The following SPRY3 variants were observed in gnomAD, a reference collection of about 807,000 sequenced individuals.
SPRY3 encodes the protein protein sprouty homolog 3.
In SPRY3, 15 loss-of-function variants were observed where a neutral mutation model predicts 20.2. The ratio of observed to expected loss-of-function variants is 0.74; its 90% CI spans 0.50 to 1.14. The LOEUF (loss-of-function observed/expected upper bound fraction) is 1.14, where lower values mean the gene tolerates loss of function less well. Ranked by LOEUF, SPRY3 falls within the 50% of genes most tolerant of loss-of-function variation. The probability of loss-of-function intolerance (pLI) is 0.00; values close to 1 mark genes in which losing one functional copy is unlikely to be tolerated. For synonymous variants in SPRY3, 143 were observed against 136.5 expected (o/e 1.05, Z -0.33); for missense variants, 364 against 363.9 (o/e 1.00, Z 0.00).
intron 2 of SPRY3, among the ~76,000 whole-genome samples, chrX:155,715,350 G>A (rs1244265843): frequency 6.6e-6 from 1 of 152,066 alleles, no homozygotes; most frequent in Non-Finnish European, 1.5e-5. Context: ...TTTGGCTCAG[G>A]GTGTGTCTAG....
chrX:155,762,044 CA>C (rs1320054304), intron 2 of SPRY3, among the ~76,000 whole-genome samples: 5 of 152,026 alleles, frequency 3.3e-5, no homozygotes, highest in Non-Finnish European at 7.4e-5. Context: ...AACTTTGTAC[CA>C]AATATTCCTA....
At chrX:155,781,421 A>G (rs2091462581), downstream of SPRY3, 1 of 167,006 alleles carries the variant, frequency 6.0e-6, no homozygotes, top group East Asian at 1.9e-4. Context: ...TGATTATAAT[A>G]TGCAAACAGA....
intron 2 of SPRY3, among the ~76,000 whole-genome samples, chrX:155,659,984 A>C (rs1388940871): frequency 9.0e-6 from 1 of 111,441 alleles, no homozygotes; most frequent in African/African-American, 3.3e-5. Flanking sequence ...CCAACTTTTA[A>C]TTTTATAGAT....
chrX:155,709,858 T>C (rs1254592039), intron 2 of SPRY3, among the ~76,000 whole-genome samples: 1 of 151,744 alleles, frequency 6.6e-6, no homozygotes, highest in East Asian at 1.9e-4. Flanking sequence ...AGATGGGTTC[T>C]AGGTTCATTC....
chrX:155,752,528 TA>T (rs1372150736), intron 2 of SPRY3, among the ~76,000 whole-genome samples: 5 of 151,650 alleles, frequency 3.3e-5, no homozygotes, highest in African/African-American at 7.2e-5. Flanking sequence ...TATATATATA[TA>T]ACTATTGATA....
chrX:155,751,960 AAATAAAATAAAATAAAATAAAAT>A (rs2091265358), intron 2 of SPRY3, among the ~76,000 whole-genome samples: 1 of 148,660 alleles, frequency 6.7e-6, no homozygotes, highest in Non-Finnish European at 1.5e-5. Context: ...AAATAAAATA[AAATAAAATAAAATAAAATAAAAT>A]AAAGGAAAGG....
intron 2 of SPRY3, among the ~76,000 whole-genome samples, chrX:155,708,640 TATGTGGTAC>T: frequency 6.6e-6 from 1 of 151,604 alleles, no homozygotes; most frequent in African/African-American, 2.4e-5. Flanking sequence ...TATATATATT[TATGTGGTAC>T]ATGAGATATT....
chrX:155,669,869 T>A (rs1391284356), intron 2 of SPRY3: 1 of 111,174 alleles, frequency 9.0e-6, no homozygotes, highest in Non-Finnish European at 1.9e-5. Context: ...GATACTTCTA[T>A]GAACCATGTG....
chrX:155,747,616 A>C (rs1326786866), intron 2 of SPRY3, among the ~76,000 whole-genome samples: 9 of 151,924 alleles, frequency 5.9e-5, no homozygotes, highest in Non-Finnish European at 8.8e-5. Flanking sequence ...TTACATTAAT[A>C]ATAATTTTAC....
At chrX:155,632,245 A>ACACACACACACACG (rs1177001612) in intron 1 of SPRY3, among the ~76,000 whole-genome samples, 53 of 109,721 alleles carry the variant, frequency 4.8e-4, no homozygotes, top group Non-Finnish European at 9.1e-4. Context: ...ACACACACAC[A>ACACACACACACACG]CGCACACACA....
chrX:155,703,717 A>G (rs2090927891), intron 2 of SPRY3, among the ~76,000 whole-genome samples: 2 of 148,708 alleles, frequency 1.3e-5, no homozygotes, highest in Non-Finnish European at 3.0e-5. Context: ...TAGGGTGTCA[A>G]TTTTGGATCT....
Position 155,661,058 on chromosome X carries a change from C to A in SPRY3, c.-282+4033C>A, listed in dbSNP as rs375122757. Among the ~76,000 whole-genome samples the A allele has an allele frequency of 2.0e-4, 22 of 111,332 alleles. No homozygotes were observed. In the South Asian group the frequency reaches 5.6e-3, roughly 28 times the overall value. On this transcript the variant is annotated intron_variant, in intron 2 of 3. Coordinates refer to ENST00000675360, the Ensembl canonical transcript of SPRY3. ...AATATTGATATATGAGGTTTTGTTT[C>A]TGTAATAATTTTAATTGTTATATAG...
At chrX:155,649,814 G>A (rs782414724) in intron 1 of SPRY3, among the ~76,000 whole-genome samples, 4 of 111,180 alleles carry the variant, frequency 3.6e-5, no homozygotes, top group East Asian at 2.8e-4. Context: ...AAATAGGAAG[G>A]GAGGAAGTCA....
chrX:155,774,026 AT>A lies in SPRY3; in HGVS notation c.157del (p.Trp53GlyfsTer27), dbSNP rs1166455184. The A allele has an allele frequency of 6.2e-7, 1 of 1,613,768 alleles. No individual in the cohort carries two copies. The highest frequency in any genetic ancestry group is 1.7e-5 in the Admixed American group (1 of 60,002). On this transcript the variant is annotated frameshift_variant, in exon 4 of 4. Transcript: ENST00000675360. LOFTEE classifies it high-confidence loss of function. ...CTTATTGTGCAAACCCACAAGTCTG[AT>A]TGGTCTCTGGCTACCATGCCTACTT...
intron 2 of SPRY3, among the ~76,000 whole-genome samples, chrX:155,707,242 T>C (rs2090958265): frequency 6.6e-6 from 1 of 151,306 alleles, no homozygotes; most frequent in Non-Finnish European, 1.5e-5. Flanking sequence ...ATTTCTTTTA[T>C]TTATGGATCG....
chrX:155,642,187 G>A (rs1266314686), intron 1 of SPRY3, among the ~76,000 whole-genome samples: 3 of 111,325 alleles, frequency 2.7e-5, no homozygotes, highest in African/African-American at 9.8e-5. Flanking sequence ...GGTCTGTTCA[G>A]GTTTTGGATA....
At chrX:155,618,027 T>C (rs376972028) in intron 1 of SPRY3, among the ~76,000 whole-genome samples, 7 of 112,241 alleles carry the variant, frequency 6.2e-5, no homozygotes, top group African/African-American at 2.3e-4. Flanking sequence ...AGAGCATATT[T>C]GAATTTTACC....
intron 2 of SPRY3, among the ~76,000 whole-genome samples, chrX:155,755,874 TAGAA>T (rs2091281724): frequency 6.6e-6 from 1 of 151,220 alleles, no homozygotes; most frequent in Admixed American, 6.6e-5. Flanking sequence ...AGAAGACAAA[TAGAA>T]AGGAGAAGAA....
intron 2 of SPRY3, among the ~76,000 whole-genome samples, chrX:155,720,358 G>T (rs777689274): frequency 2.6e-5 from 4 of 152,264 alleles, no homozygotes; most frequent in South Asian, 4.2e-4. Context: ...CCTCCCTGGG[G>T]CCTGGGGGAT....
Sources: gnomAD v4.1 joint callset for allele counts (sites outside exome capture counted in the v4.1 genomes callset) on GRCh38, gnomAD v4.1.1 for gene constraint, MANE v1.5 for transcripts, NCBI Gene and HGNC (gene_info 2026-07-23, HGNC 2026-07-21) for gene names.